SYNE1: variants seen among roughly 807,000 people sequenced by gnomAD.
SYNE1 encodes the protein nesprin-1.
A neutral mutation model predicts 1,111.0 loss-of-function variants in SYNE1; 616 were observed. The ratio of observed to expected loss-of-function variants is 0.55; its 90% CI spans 0.52 to 0.59. SYNE1 has a LOEUF of 0.59. Ranked by LOEUF, SYNE1 falls within the 20% of genes least tolerant of loss-of-function variation. The probability of loss-of-function intolerance (pLI) is 0.00; values close to 1 mark genes in which losing one functional copy is unlikely to be tolerated. For missense variants in SYNE1, 10,006 were observed against 10,417.0 expected (o/e 0.96, Z 1.72); for synonymous variants, 3,855 against 3,825.8 (o/e 1.01, Z -0.28).
At chr6:152,491,458 C>T (rs939771526) in intron 11 of SYNE1, among the ~76,000 whole-genome samples, 30 of 152,140 alleles carry the variant, frequency 2.0e-4, no homozygotes, top group African/African-American at 6.8e-4. Flanking sequence ...ACCCTCCATT[C>T]CCCCTTCTTC....
At chr6:152,133,520 A>C (rs763735663) in intron 142 of SYNE1, 32 bp from the exon 143 acceptor site, 1 of 1,606,570 alleles carries the variant, frequency 6.2e-7, no homozygotes, top group African/African-American at 1.3e-5. Flanking sequence ...AATTTTTCTA[A>C]GCATTTTTGA....
chr6:152,234,899 T>A, intron 110 of SYNE1, 99 bp from the exon 111 acceptor site: 1 of 1,379,528 alleles, frequency 7.2e-7, no homozygotes, highest in South Asian at 1.2e-5. Context: ...AAACGAGAGG[T>A]CTGAAGATTT....
chr6:152,310,802 A>C lies in SYNE1; in HGVS notation c.16782T>G (p.Thr5594=). ...EAMTEKLQYL[T]SVYCTEKMSQ... ...ACATTTTTTCTGTACAGTACACGCT[A>C]GTGAGGTACTGTAATTTCTCAGTCA... The change falls in exon 88 of 146, where the codon ACT becomes ACG. Residue 5594 remains threonine (T), a synonymous_variant. Coordinates refer to ENST00000367255, the MANE Select transcript of SYNE1 (RefSeq NM_182961.4). The C allele has an allele frequency of 6.2e-7, 1 of 1,613,974 alleles. No individual in the cohort carries two copies. Among genetic ancestry groups the C allele is most frequent in the South Asian group, 1.1e-5 (1 of 91,074 alleles).
intron 78 of SYNE1, among the ~76,000 whole-genome samples, chr6:152,327,889 G>A (rs2096121907): frequency 6.6e-6 from 1 of 152,078 alleles, no homozygotes; most frequent in Non-Finnish European, 1.5e-5. Context: ...TTTAAAATTT[G>A]TATAAGCAAT....
intron 3 of SYNE1, among the ~76,000 whole-genome samples, chr6:152,551,311 C>T (rs929518544): frequency 2.0e-5 from 3 of 152,068 alleles, no homozygotes; most frequent in South Asian, 2.1e-4. Context: ...TGAGGAAATA[C>T]GCCAGAAATC....
At chr6:152,240,062 G>A (rs1014557112) in intron 107 of SYNE1, among the ~76,000 whole-genome samples, 15 of 152,242 alleles carry the variant, frequency 9.9e-5, no homozygotes, top group Admixed American at 3.3e-4. Context: ...CCAACCCAGC[G>A]CTGGAGCTGA....
chr6:152,546,971 G>GAAAA (rs2128096486), intron 3 of SYNE1: 1 of 151,880 alleles, frequency 6.6e-6, no homozygotes, highest in African/African-American at 2.4e-5. Context: ...GAAAAGAAAA[G>GAAAA]AAAAGAAAAA....
At position 152,279,968 on chromosome 6, in the gene SYNE1, T is replaced by A. The variant is rs916694102; in HGVS notation, c.18382-1688A>T. Among the ~76,000 whole-genome samples the A allele has an allele frequency of 2.0e-5, 3 of 152,056 alleles. No individual in the cohort carries two copies. The East Asian group carries it at 5.8e-4, about 29-fold the overall frequency. ...TCTTTTAAAATCAAAAGAAAAAAACTGAATATAATAATATGGAATACATCA... is the reference window on the plus strand; with the variant it reads ...TCTTTTAAAATCAAAAGAAAAAAACAGAATATAATAATATGGAATACATCA... On this transcript the variant is annotated intron_variant, in intron 97 of 145. Coordinates refer to ENST00000367255, the MANE Select transcript of SYNE1 (RefSeq NM_182961.4).
At chr6:152,349,193 G>A (rs1395242245) in intron 72 of SYNE1, among the ~76,000 whole-genome samples, 1 of 152,212 alleles carries the variant, frequency 6.6e-6, no homozygotes, top group Non-Finnish European at 1.5e-5. Context: ...CCATGAAATT[G>A]TGACCATAAC....
rs758494243 is a variant in SYNE1 at position 152,409,704 on chromosome 6, C to T, written c.6236G>A (p.Gly2079Asp). 4 of 1,613,518 alleles carry T rather than the reference C, an allele frequency of 2.5e-6. No homozygotes were observed. Among genetic ancestry groups the T allele is most frequent in the African/African-American group, 2.7e-5 (2 of 75,012 alleles). The change falls in exon 43 of 146, where the codon GGT (glycine) becomes GAT (aspartate). Residue 2079 changes from glycine (G) to aspartate (D), a missense_variant. Physicochemically the swap from Gly to Asp is moderately conservative, Grantham distance 94 (BLOSUM62 -1). Coordinates refer to ENST00000367255, the MANE Select transcript of SYNE1 (RefSeq NM_182961.4). ...TAAGTCAATAAGTCCACAGCACTGA[C>T]CCTGACTGTAATGATTAAAGAAAAT... ...DTKRLIHENQ[G>D]QCCGLIDLMR... is the part of the protein sequence containing the mutation.
chr6:152,147,867 C>T (rs984206825), intron 137 of SYNE1, 178 bp downstream of exon 137: 45 of 638,382 alleles, frequency 7.0e-5, no homozygotes, highest in Middle Eastern at 4.2e-4. Flanking sequence ...AATAAATCAA[C>T]GGCCACACCA....
At position 152,143,686 on chromosome 6, in the gene SYNE1, G is replaced by A. The variant is rs200678102; in HGVS notation, c.25056C>T (p.Thr8352=). Residue 8352 remains threonine, a synonymous_variant, in exon 138 of 146, where the codon ACC becomes ACT. Transcript: ENST00000367255. ...GAGTTTTGCTGCGAATGATATTTTCGGTTTGCTGTATCTGAAAACGGCTAT... is the reference window on the plus strand; with the variant it reads ...GAGTTTTGCTGCGAATGATATTTTCAGTTTGCTGTATCTGAAAACGGCTAT... The part of the protein sequence containing the change: ...LDDSRFQIQQ[T]ENIIRSKTPT... 127 of 1,614,168 alleles carry A rather than the reference G, an allele frequency of 7.9e-5. 3 individuals are homozygous for A. In the South Asian group the frequency reaches 1.0e-3, roughly 13 times the overall value.
At chr6:152,356,946 A>G (rs2096849716) in intron 66 of SYNE1, among the ~76,000 whole-genome samples, 1 of 152,316 alleles carries the variant, frequency 6.6e-6, no homozygotes, top group African/African-American at 2.4e-5. Context: ...GGAGCTCAGC[A>G]TTTGCTTACC....
chr6:152,353,563 T>C, intron 68 of SYNE1, 26 bp downstream of exon 68: 1 of 1,614,186 alleles, frequency 6.2e-7, no homozygotes, highest in Non-Finnish European at 8.5e-7. Context: ...TGCTGGTCTA[T>C]GCTGAGCACC....
At chr6:152,260,394 C>T (rs966145861) in intron 101 of SYNE1, among the ~76,000 whole-genome samples, 1 of 152,050 alleles carries the variant, frequency 6.6e-6, no homozygotes, top group Admixed American at 6.6e-5. Flanking sequence ...AGGAGGTCCA[C>T]GCAAAAAGTA....
intron 72 of SYNE1, among the ~76,000 whole-genome samples, chr6:152,347,700 A>G (rs2096662376): frequency 6.9e-6 from 1 of 145,762 alleles, no homozygotes; most frequent in Non-Finnish European, 1.5e-5. Flanking sequence ...TTTTTTTTTA[A>G]GACAGAGTGT....
chr6:152,404,858 AAAG>A (rs2097872175), intron 45 of SYNE1: 2 of 152,914 alleles, frequency 1.3e-5, no homozygotes, highest in South Asian at 2.1e-4. Context: ...ACAGTAACAT[AAAG>A]AAGAGGAAAG....
intron 131 of SYNE1, among the ~76,000 whole-genome samples, chr6:152,158,431 T>G (rs1439976905): frequency 1.3e-5 from 2 of 152,234 alleles, no homozygotes; most frequent in Non-Finnish European, 2.9e-5. Context: ...TTTTCCTTGA[T>G]GCCATGTTCC....
At chr6:152,626,694 A>G (rs2099686452) in intron 3 of SYNE1, among the ~76,000 whole-genome samples, 1 of 152,158 alleles carries the variant, frequency 6.6e-6, no homozygotes, top group Non-Finnish European at 1.5e-5. Context: ...AACATGTACC[A>G]CTCACACTGA....
Sources: gnomAD v4.1 joint callset for allele counts (sites outside exome capture counted in the v4.1 genomes callset) on GRCh38, gnomAD v4.1.1 for gene constraint, MANE v1.5 for transcripts, NCBI Gene and HGNC (gene_info 2026-07-23, HGNC 2026-07-21) for gene names.